Variants in NSD2 observed in about 807,000 individuals in gnomAD.
NSD2 encodes the protein nuclear receptor binding SET domain protein 2, also known as histone-lysine N-methyltransferase NSD2.
NSD2 carries 12 observed loss-of-function variants against 139.0 expected under a neutral mutation model. That is an observed-to-expected ratio of 0.09 (90% confidence interval 0.06 to 0.14). The LOEUF (loss-of-function observed/expected upper bound fraction) is 0.14. NSD2 is among the 10% of genes least tolerant of loss of function. The pLI is 1.00. For synonymous variants in NSD2, 669 were observed against 648.7 expected, an observed-to-expected ratio of 1.03 and a Z score of -0.48; for missense variants, 1,155 against 1,745.0, an observed-to-expected ratio of 0.66 and a Z score of 6.02.
At chr4:1,891,721 G>T (rs998984242) in intron 1 of NSD2, among the ~76,000 whole-genome samples, 1 of 151,874 alleles carries the variant, frequency 6.6e-6, no homozygotes, top group African/African-American at 2.4e-5. Context: ...GCCGGGCGTG[G>T]TGGTCGGCAC....
chr4:1,954,324 T>C (rs1393374300), intron 12 of NSD2, among the ~76,000 whole-genome samples: 1 of 151,968 alleles, frequency 6.6e-6, no homozygotes, highest in African/African-American at 2.4e-5. Context: ...TTTCACCATG[T>C]TGCCCAGGCT....
At chr4:1,934,881 A>G (rs1722179859) in intron 6 of NSD2, among the ~76,000 whole-genome samples, 3 of 66,398 alleles carry the variant, frequency 4.5e-5, no homozygotes, top group Admixed American at 1.5e-4. Flanking sequence ...AAAAAAAAAT[A>G]TATATATATA....
intron 20 of NSD2, among the ~76,000 whole-genome samples, chr4:1,975,942 T>TG (rs965421903): frequency 3.9e-5 from 6 of 152,024 alleles, no homozygotes; most frequent in Non-Finnish European, 5.9e-5. Flanking sequence ...GACAGAGATT[T>TG]GGGGGGGCAC....
chr4:1,907,448 A>T (rs1023381157), intron 3 of NSD2, among the ~76,000 whole-genome samples: 3 of 151,240 alleles, frequency 2.0e-5, no homozygotes, highest in Non-Finnish European at 4.4e-5. Context: ...CATAATGCCA[A>T]ATGGGTATAC....
chr4:1,878,576 C>T (rs2108671893), intron 1 of NSD2, among the ~76,000 whole-genome samples: 1 of 152,144 alleles, frequency 6.6e-6, no homozygotes, highest in East Asian at 1.9e-4. Flanking sequence ...ATGTCCTCAG[C>T]ACCTGGAATG....
At chr4:1,964,010 AAAATTTG>A (rs1725629175) in intron 18 of NSD2, among the ~76,000 whole-genome samples, 2 of 152,194 alleles carry the variant, frequency 1.3e-5, no homozygotes, top group South Asian at 4.1e-4. Context: ...AAACAAAACA[AAAATTTG>A]AAAAGGAGCC....
chr4:1,969,342 T>TG (rs1726200067), intron 18 of NSD2, among the ~76,000 whole-genome samples: 1 of 152,058 alleles, frequency 6.6e-6, no homozygotes, highest in Admixed American at 6.5e-5. Flanking sequence ...GAGACAAACC[T>TG]GGGACCCAGC....
At chr4:1,895,987 G>C (rs1716238547) in intron 1 of NSD2, among the ~76,000 whole-genome samples, 1 of 152,234 alleles carries the variant, frequency 6.6e-6, no homozygotes, top group South Asian at 2.1e-4. Flanking sequence ...CTGCCTGGTG[G>C]TGGCTTCTTT....
chr4:1,956,666 C>A lies in NSD2; in HGVS notation c.2881+478C>A, dbSNP rs1029661134. Reference sequence around the variant, plus strand: ...CGATGTGGCATGGCTGGCTGATGACCCACGTTTGAGGGAGGCAGGATGGGG... The same window carrying A: ...CGATGTGGCATGGCTGGCTGATGACACACGTTTGAGGGAGGCAGGATGGGG... On this transcript the variant is annotated intron_variant, in intron 15 of 21. Transcript: ENST00000508803. The surrounding 1 kb of genome is among the most constrained non-coding windows in gnomAD (Gnocchi z 5.3). 6.6e-6 allele frequency among the ~76,000 whole-genome samples: 1 copy of A among 152,114 alleles called. No homozygotes were observed. The highest frequency in any genetic ancestry group is 1.5e-5 in the Non-Finnish European group (1 of 68,016).
At position 1,942,927 on chromosome 4, in the gene NSD2, CT is replaced by C. The variant is rs34717201; in HGVS notation, c.1881+3155del. The C allele has an allele frequency of 9.5e-7, 1 of 1,055,500 alleles. No individual in the cohort carries two copies. The highest frequency in any genetic ancestry group is 1.1e-6 in the Non-Finnish European group (1 of 873,316). 65.4% of individuals were successfully genotyped at this position (1,055,500 alleles called of 1,614,324 possible). A position where few individuals can be genotyped will look rare whatever the true frequency, so the allele number is the denominator to read the frequency against. On this transcript the variant is annotated intron_variant, in intron 9 of 21. Transcript: ENST00000508803. The surrounding 1 kb of genome is among the most constrained non-coding windows in gnomAD (Gnocchi z 4.0). ...AGGCAGGAAGAGTTTTGATTCTATC[CT>C]TTTTTACTAAACAGTTTTATTATGA...
At chr4:1,883,676 C>T (rs73799026) in intron 1 of NSD2, among the ~76,000 whole-genome samples, 4,763 of 152,054 alleles carry the variant, frequency 0.031, 243 homozygotes, top group African/African-American at 0.11. Flanking sequence ...CTGCTGATCC[C>T]ACCTTGTTTG....
chr4:1,975,197 A>G lies in NSD2; in HGVS notation c.3515-97A>G, dbSNP rs531628889. The G allele has an allele frequency of 6.3e-6, 9 of 1,427,604 alleles. No homozygotes were observed. In the South Asian group the frequency reaches 1.1e-4, roughly 18 times the overall value. 88.4% of individuals were successfully genotyped at this position (1,427,604 alleles called of 1,614,324 possible). On this transcript the variant is annotated intron_variant, in intron 19 of 21. Transcript: ENST00000508803. Reference sequence around the variant, plus strand: ...GGGTCAAGCCAGTACAGATACAAAAATAATAAGAGTATTTTTGTTGACCTA... The same window carrying G: ...GGGTCAAGCCAGTACAGATACAAAAGTAATAAGAGTATTTTTGTTGACCTA...
intron 1 of NSD2, among the ~76,000 whole-genome samples, chr4:1,890,998 G>C (rs1284798773): frequency 1.3e-5 from 2 of 152,078 alleles, no homozygotes; most frequent in East Asian, 3.9e-4. Context: ...GGCTGAAGTG[G>C]TCTTCCCACC....
chr4:1,882,251 T>C (rs1220994958), intron 1 of NSD2, among the ~76,000 whole-genome samples: 1 of 152,194 alleles, frequency 6.6e-6, no homozygotes, highest in Non-Finnish European at 1.5e-5. Flanking sequence ...TGTGATTTGC[T>C]CTGGCCATTG....
At chr4:1,962,651 A>G (rs1278979695) in intron 18 of NSD2, among the ~76,000 whole-genome samples, 8 of 152,104 alleles carry the variant, frequency 5.3e-5, no homozygotes, top group Non-Finnish European at 8.8e-5. Flanking sequence ...CTTAGGTTTG[A>G]AATTTTTTTA....
chr4:1,953,258 C>T (rs1212389465), intron 11 of NSD2, 66 bp from the exon 12 acceptor site: 2 of 1,613,530 alleles, frequency 1.2e-6, no homozygotes, highest in South Asian at 1.1e-5. Flanking sequence ...TTTAGTGGCT[C>T]AGAACTGCAA....
At chr4:1,920,207 T>C (rs1400546712) in intron 5 of NSD2, among the ~76,000 whole-genome samples, 1 of 152,054 alleles carries the variant, frequency 6.6e-6, no homozygotes, top group African/African-American at 2.4e-5. Flanking sequence ...CTCAGCACAT[T>C]GGGAGGCTAA....
At chr4:1,971,813 G>A (rs888992189) in intron 18 of NSD2, among the ~76,000 whole-genome samples, 1 of 152,222 alleles carries the variant, frequency 6.6e-6, no homozygotes, top group Non-Finnish European at 1.5e-5. Flanking sequence ...AACAAATCCA[G>A]AGTCATTTTC....
rs760935080 is a variant in NSD2, at chr4:1,944,688, G to T, written c.1881+4910G>T. The stretch of plus-strand genomic sequence containing the variant: ...GGTAGTGCACATATTGGCAATAGAG[G>T]TCCTGAATTGTTTTTCTAAGACTGA... On this transcript the variant is annotated intron_variant, in intron 9 of 21. Coordinates refer to ENST00000508803, the MANE Select transcript of NSD2 (RefSeq NM_001042424.3). The T allele has an allele frequency of 1.7e-4, 184 of 1,064,174 alleles. 1 individual carries two copies. Among genetic ancestry groups the T allele is most frequent in the Non-Finnish European group, 1.5e-4 (135 of 877,754 alleles). The allele number at this position is 1,064,174 out of a possible 1,614,324, so 65.9% of individuals were successfully genotyped here. A position where few individuals can be genotyped will look rare whatever the true frequency, so the allele number is the denominator to read the frequency against.
Sources: gnomAD v4.1 joint callset for allele counts (sites outside exome capture counted in the v4.1 genomes callset) on GRCh38, gnomAD v4.1.1 for gene constraint, Gnocchi (gnomAD v3.1) non-coding constraint, MANE v1.5 for transcripts, NCBI Gene and HGNC (gene_info 2026-07-23, HGNC 2026-07-21) for gene names.